Variants in LRTM1 observed in about 807,000 individuals in gnomAD.
LRTM1 encodes leucine rich repeat transmembrane protein 1.
In LRTM1, 38 loss-of-function variants were observed where a neutral mutation model predicts 32.4. That is an observed-to-expected ratio of 1.17 (90% CI 0.91 to 1.54). The LOEUF (loss-of-function observed/expected upper bound fraction) is 1.54, where lower values mean the gene tolerates loss of function less well. Among genes scored for constraint, LRTM1 ranks in the 40% most tolerant of loss-of-function variants. The pLI is 0.00. For synonymous variants in LRTM1, 186 were observed against 169.9 expected, an observed-to-expected ratio of 1.09 and a Z score of -0.74; for missense variants, 466 against 415.4, an observed-to-expected ratio of 1.12 and a Z score of -1.06.
chr3:54,935,816 G>A (rs894378643), intron 1 of LRTM1, among the ~76,000 whole-genome samples: 1 of 152,044 alleles, frequency 6.6e-6, no homozygotes, highest in Non-Finnish European at 1.5e-5. Flanking sequence ...TTCTCTTTAA[G>A]GTTTGTTCTA....
chr3:54,933,051 CCCTTCCTTCCTTCCTTCCTT>C (rs60554563), upstream of LRTM1, among the ~76,000 whole-genome samples: 10,445 of 139,436 alleles, frequency 0.075, 535 homozygotes, highest in East Asian at 0.14. Context: ...ATCCATCCCT[CCCTTCCTTCCTTCCTTCCTT>C]CCTTCCTTCC....
intron 1 of LRTM1, among the ~76,000 whole-genome samples, chr3:54,962,742 A>C (rs948590122): frequency 2.0e-5 from 3 of 152,096 alleles, no homozygotes; most frequent in Admixed American, 1.3e-4. Context: ...CTTTTGGATG[A>C]GCTCTCTATG....
At chr3:54,925,541 G>A (rs372365601) in intron 1 of LRTM1, among the ~76,000 whole-genome samples, 2 of 152,182 alleles carry the variant, frequency 1.3e-5, no homozygotes, top group East Asian at 1.9e-4. Context: ...TGTATATGCC[G>A]TTTGTAGGCC....
chr3:54,924,960 T>A lies in LRTM1; in HGVS notation c.263A>T (p.Asn88Ile). Residue 88 changes from asparagine to isoleucine, a missense_variant, in exon 2 of 3, where the codon AAT (asparagine) becomes ATT (isoleucine). Coordinates refer to ENST00000273286, the MANE Select transcript of LRTM1 (RefSeq NM_020678.4). Reference protein sequence around the residue: ...TLNLSNNSLSNLAPGAFHGLQ... With the variant: ...TLNLSNNSLSILAPGAFHGLQ... ...CCCATGGAAAGCTCCAGGGGCCAGATTTGAAAGGGAATTGTTGGACAAGTT... is the reference window on the plus strand; with the variant it reads ...CCCATGGAAAGCTCCAGGGGCCAGAATTGAAAGGGAATTGTTGGACAAGTT... 6.2e-7 allele frequency: 1 copy of A among 1,611,050 alleles called. No individual in the cohort carries two copies. The highest frequency in any genetic ancestry group is 1.7e-5 in the Admixed American group (1 of 59,988).
At chr3:54,919,998 AT>A (rs1272300754) in intron 2 of LRTM1, among the ~76,000 whole-genome samples, 1 of 152,084 alleles carries the variant, frequency 6.6e-6, no homozygotes, top group East Asian at 1.9e-4. Context: ...AAGCCTTTTG[AT>A]TGGACAGAAC....
chr3:54,946,741 A>G (rs1248112097), intron 1 of LRTM1, among the ~76,000 whole-genome samples: 3 of 152,060 alleles, frequency 2.0e-5, no homozygotes, highest in Middle Eastern at 3.2e-3. Context: ...AAAGAATCCA[A>G]TCCTTTCTTA....
chr3:54,947,125 C>T (rs2107003903), intron 1 of LRTM1, among the ~76,000 whole-genome samples: 1 of 152,244 alleles, frequency 6.6e-6, no homozygotes, highest in East Asian at 1.9e-4. Flanking sequence ...TACTGTGTTC[C>T]AGACACTGTG....
intron 1 of LRTM1, among the ~76,000 whole-genome samples, chr3:54,947,444 A>G (rs946845770): frequency 2.0e-5 from 3 of 152,190 alleles, no homozygotes; most frequent in African/African-American, 7.2e-5. Flanking sequence ...CTCAGCTGGC[A>G]TCTGCCAGTG....
chr3:54,946,574 G>A (rs1701619735), intron 1 of LRTM1, among the ~76,000 whole-genome samples: 1 of 152,158 alleles, frequency 6.6e-6, no homozygotes, highest in African/African-American at 2.4e-5. Context: ...ACTTAACGAA[G>A]AAGAGCAGGT....
intron 1 of LRTM1, among the ~76,000 whole-genome samples, chr3:54,933,450 T>A (rs1368252052): frequency 6.6e-6 from 1 of 152,144 alleles, no homozygotes; most frequent in Non-Finnish European, 1.5e-5. Context: ...GCCCTCTCCA[T>A]CAGTTGGAAA....
intron 1 of LRTM1, among the ~76,000 whole-genome samples, chr3:54,953,944 G>A (rs1484837894): frequency 2.0e-5 from 3 of 152,190 alleles, no homozygotes; most frequent in Non-Finnish European, 4.4e-5. Flanking sequence ...CTTGTGTCAT[G>A]AATAAGCAGA....
chr3:54,954,334 TG>T (rs892592589), intron 1 of LRTM1, among the ~76,000 whole-genome samples: 9 of 152,190 alleles, frequency 5.9e-5, no homozygotes, highest in African/African-American at 2.2e-4. Flanking sequence ...CTGTGGCCTC[TG>T]GGAGGCTGTC....
At chr3:54,942,984 A>T (rs1235282562) in intron 1 of LRTM1, among the ~76,000 whole-genome samples, 1 of 152,100 alleles carries the variant, frequency 6.6e-6, no homozygotes, top group East Asian at 1.9e-4. Flanking sequence ...AGACTGTGCC[A>T]CTGCACTCCA....
intron 1 of LRTM1, among the ~76,000 whole-genome samples, chr3:54,953,876 G>C (rs570635988): frequency 6.6e-6 from 1 of 152,270 alleles, no homozygotes; most frequent in East Asian, 1.9e-4. Context: ...CTGGGACTTG[G>C]AGTCTGAGTA....
chr3:54,941,921 A>G (rs1176559511), intron 1 of LRTM1, among the ~76,000 whole-genome samples: 4 of 152,182 alleles, frequency 2.6e-5, no homozygotes, highest in African/African-American at 4.8e-5. Flanking sequence ...CCATGGGATA[A>G]ACTTCAACCT....
chr3:54,962,680 C>G (rs1167617676), intron 1 of LRTM1, among the ~76,000 whole-genome samples: 1 of 152,178 alleles, frequency 6.6e-6, no homozygotes, highest in Non-Finnish European at 1.5e-5. Context: ...GTTCTCGCAG[C>G]AAAACAACTC....
At position 54,925,414 on chromosome 3, in the gene LRTM1, C is replaced by T. The variant is rs1478244383; in HGVS notation, c.8-199G>A. Among the ~76,000 whole-genome samples, 5 of 152,302 alleles carry T rather than the reference C, an allele frequency of 3.3e-5. No individual in the cohort carries two copies. The East Asian group carries it at 9.6e-4, about 29-fold the overall frequency. On this transcript the variant is annotated intron_variant, in intron 1 of 2. Transcript: ENST00000273286. ...ACATCCCCAGTGTCATTACCTTCTG[C>T]AGTCTTTGTGCCACCTATCGTCTGA...
At chr3:54,918,972 G>A (rs1431736659) in intron 2 of LRTM1, 80 bp from the exon 3 acceptor site, 3 of 1,207,728 alleles carry the variant, frequency 2.5e-6, no homozygotes, top group Non-Finnish European at 3.3e-6. Context: ...CAAAAACTTA[G>A]GCAGATGGAA....
intron 1 of LRTM1, among the ~76,000 whole-genome samples, chr3:54,938,412 G>A (rs1701381845): frequency 6.6e-6 from 1 of 152,188 alleles, no homozygotes; most frequent in Non-Finnish European, 1.5e-5. Flanking sequence ...CTAGTCCAGT[G>A]CTTGAAGCAG....
Sources: allele counts gnomAD v4.1 joint callset (sites outside exome capture counted in the v4.1 genomes callset), GRCh38; gene constraint gnomAD v4.1.1; transcripts MANE v1.5; gene names NCBI Gene and HGNC (gene_info 2026-07-23, HGNC 2026-07-21).